Variants in NPAS1 observed in about 807,000 individuals in gnomAD.
NPAS1 encodes the protein neuronal PAS domain-containing protein 1.
NPAS1 carries 29 observed loss-of-function variants against 49.2 expected under a neutral mutation model. The observed-to-expected ratio is 0.59, with a 90% CI of 0.44 to 0.80. The LOEUF (loss-of-function observed/expected upper bound fraction) is 0.80. Among genes scored for constraint, NPAS1 ranks in the 30% least tolerant of loss-of-function variants. The probability of loss-of-function intolerance (pLI) is 0.00; values close to 1 mark genes in which losing one functional copy is unlikely to be tolerated. For synonymous variants in NPAS1, 408 were observed against 380.4 expected, an observed-to-expected ratio of 1.07 and a Z score of -0.84; for missense variants, 825 against 835.5, an observed-to-expected ratio of 0.99 and a Z score of 0.15.
At chr19:47,026,119 A>G (rs545258713) in intron 3 of NPAS1, among the ~76,000 whole-genome samples, 3 of 151,954 alleles carry the variant, frequency 2.0e-5, no homozygotes, top group Admixed American at 6.6e-5. Context: ...TTGTATTTTT[A>G]GTAGAGACAG....
At position 47,045,393 on chromosome 19, in the gene NPAS1, G is replaced by A; in HGVS notation, c.1515G>A (p.Gln505=). The change falls in exon 12 of 12, where the codon CAG becomes CAA. Residue 505 remains glutamine (Q), a synonymous_variant. Coordinates refer to ENST00000602212, the MANE Select transcript of NPAS1 (RefSeq NM_002517.4). ...TSVIRAGVLK[Q]DPVRPWGLAP... The stretch of plus-strand genomic sequence containing the variant: ...TCATCCGGGCAGGGGTCCTGAAGCA[G>A]GATCCGGTGCGGCCATGGGGCCTGG... 6.2e-7 allele frequency: 1 copy of A among 1,612,678 alleles called. No individual in the cohort carries two copies. Among genetic ancestry groups the A allele is most frequent in the Non-Finnish European group, 8.5e-7 (1 of 1,179,590 alleles).
rs371750907 is a variant in NPAS1 at position 47,042,923 on chromosome 19, C to A, written c.1312+19C>A. The A allele has an allele frequency of 1.3e-6, 2 of 1,544,278 alleles. No individual in the cohort carries two copies. The highest frequency in any genetic ancestry group is 2.0e-5 in the Admixed American group (1 of 49,074). ...CCCACAGGTGAGCCCCACCTCCCAC[C>A]TTGGCCCCTGGGAAGCTCCAAGGAA... is the stretch of plus-strand genomic sequence containing the variant. On this transcript the variant is annotated intron_variant, in intron 11 of 11. Transcript: ENST00000602212.
chr19:47,034,651 C>T (rs2056933986), intron 5 of NPAS1, among the ~76,000 whole-genome samples: 1 of 151,846 alleles, frequency 6.6e-6, no homozygotes, highest in South Asian at 2.1e-4. Context: ...CAAAAGCAGG[C>T]AGATCACCTG....
intron 5 of NPAS1, 96 bp from the exon 6 acceptor site, chr19:47,035,868 C>T (rs2056948362): frequency 3.1e-6 from 4 of 1,277,550 alleles, no homozygotes; most frequent in Non-Finnish European, 3.2e-6. Context: ...AGCGCACCTG[C>T]GTGCAGGCAA....
Position 47,021,136 on chromosome 19 carries a change from C to T in NPAS1, c.89C>T (p.Pro30Leu). ...GCCAGCGTCCCCTGGGACTTTCTACCCGGGCTGATGGTCAAGGCGCCGTCC... is the reference window on the plus strand; with the variant it reads ...GCCAGCGTCCCCTGGGACTTTCTACTCGGGCTGATGGTCAAGGCGCCGTCC... ...RGASVPWDFL[P>L]GLMVKAPSGP... The change falls in exon 2 of 12, where the codon CCC becomes CTC. Residue 30 changes from proline to leucine, a missense_variant. Pro to Leu is a moderately conservative substitution (Grantham distance 98, BLOSUM62 -3). Coordinates refer to ENST00000602212, the MANE Select transcript of NPAS1 (RefSeq NM_002517.4). The surrounding 1 kb of genome is among the most constrained non-coding windows in gnomAD (Gnocchi z 5.7). 6.3e-7 allele frequency: 1 copy of T among 1,599,460 alleles called. No homozygotes were observed. The highest frequency in any genetic ancestry group is 8.5e-7 in the Non-Finnish European group (1 of 1,173,922).
Position 47,021,203 on chromosome 19 carries a change from C to G in NPAS1, c.122+34C>G, listed in dbSNP as rs767761168. 3 of 1,488,498 alleles carry G rather than the reference C, an allele frequency of 2.0e-6. No homozygotes were observed. The highest frequency in any genetic ancestry group is 2.1e-4 in the Middle Eastern group (1 of 4,800). 92.2% of individuals were successfully genotyped at this position (1,488,498 alleles called of 1,614,324 possible). A position where few individuals can be genotyped will look rare whatever the true frequency, so the allele number is the denominator to read the frequency against. On this transcript the variant is annotated intron_variant, in intron 2 of 11. Coordinates refer to ENST00000602212, the MANE Select transcript of NPAS1 (RefSeq NM_002517.4). This position sits in a 1 kb window ranked among gnomAD's most constrained non-coding sequence, Gnocchi z 5.7. ...AGCCCCGCCCCCCTGGCCGCGGGCC[C>G]CCCCCCGGGTCCAATTCACACCCGA...
intron 6 of NPAS1, among the ~76,000 whole-genome samples, chr19:47,037,739 G>A (rs527530573): frequency 3.5e-4 from 54 of 152,330 alleles, no homozygotes; most frequent in African/African-American, 1.3e-3. Flanking sequence ...CAAGCGTGGG[G>A]CGAAGTCTGC....
Position 47,039,526 on chromosome 19 carries a change from T to G in NPAS1, c.924T>G (p.Arg308=). ...TCCATGGACACATGATCGTCTTCCG[T>G]CTCAGCCTGGGTCTCACCATCCTTG... ...LPLHGHMIVF[R]LSLGLTILAC... The change falls in exon 8 of 12, where the codon CGT becomes CGG. Residue 308 remains arginine, a synonymous_variant. Transcript: ENST00000602212. 1 of 1,604,642 alleles carries G rather than the reference T, an allele frequency of 6.2e-7. No individual in the cohort carries two copies. The highest frequency in any genetic ancestry group is 8.5e-7 in the Non-Finnish European group (1 of 1,174,234).
At chr19:47,020,729 C>T (rs1247028189) in intron 1 of NPAS1, among the ~76,000 whole-genome samples, 1 of 150,612 alleles carries the variant, frequency 6.6e-6, no homozygotes, top group Non-Finnish European at 1.5e-5. Flanking sequence ...CCGCGTGCGC[C>T]CATTGGTATG....
chr19:47,027,696 C>G (rs1251635869), intron 3 of NPAS1, among the ~76,000 whole-genome samples: 1 of 39,836 alleles, frequency 2.5e-5, no homozygotes, highest in African/African-American at 6.8e-5. Context: ...GTCTGTCTGC[C>G]CCTGGTCCCC....
chr19:47,038,341 A>G (rs2056981889), intron 6 of NPAS1, among the ~76,000 whole-genome samples: 1 of 151,330 alleles, frequency 6.6e-6, no homozygotes, highest in South Asian at 2.1e-4. Flanking sequence ...ACATGGCGAT[A>G]CCCCGTCTCT....
chr19:47,032,770 C>T, intron 5 of NPAS1, 38 bp downstream of exon 5: 1 of 1,473,218 alleles, frequency 6.8e-7, no homozygotes, highest in Non-Finnish European at 9.5e-7. Flanking sequence ...GGCTCAGCCA[C>T]CATCTCCCTT....
rs376213594 is a variant in NPAS1 at position 47,026,136 on chromosome 19, G to T, written c.358+4289G>T. On this transcript the variant is annotated intron_variant, in intron 3 of 11. Transcript: ENST00000602212. Reference sequence around the variant, plus strand: ...GTATTTTTAGTAGAGACAGGGTTTCGCCACGTTGGCCAGGCTGGTCTTGAA... The same window carrying T: ...GTATTTTTAGTAGAGACAGGGTTTCTCCACGTTGGCCAGGCTGGTCTTGAA... Among the ~76,000 whole-genome samples, 175 of 151,652 alleles carry T rather than the reference G, an allele frequency of 1.2e-3. 1 individual carries two copies. Among genetic ancestry groups the T allele is most frequent in the Non-Finnish European group, 1.8e-3 (121 of 67,866 alleles).
chr19:47,040,083 C>T (rs528226255), intron 8 of NPAS1, among the ~76,000 whole-genome samples: 5 of 152,012 alleles, frequency 3.3e-5, no homozygotes, highest in African/African-American at 7.3e-5. Context: ...AGTGCAGTGG[C>T]GCAATCTCAG....
intron 5 of NPAS1, among the ~76,000 whole-genome samples, chr19:47,033,241 G>C (rs58768512): frequency 0.034 from 5,001 of 146,032 alleles, 264 homozygotes; most frequent in African/African-American, 0.11. Context: ...GCTGATGAGG[G>C]CTATTTTTTT....
chr19:47,043,180 C>T (rs551526719), intron 11 of NPAS1, among the ~76,000 whole-genome samples: 18 of 146,184 alleles, frequency 1.2e-4, no homozygotes, highest in Admixed American at 7.8e-4. Flanking sequence ...CCTGTAATCC[C>T]AGCTACTTGA....
In NPAS1 at chr19:47,019,962, C is replaced by T; in HGVS notation, c.-78C>T. The T allele has an allele frequency of 2.5e-6, 1 of 395,218 alleles. No individual in the cohort carries two copies. 24.5% of individuals were successfully genotyped at this position (395,218 alleles called of 1,614,324 possible). A position where few individuals can be genotyped will look rare whatever the true frequency, so the allele number is the denominator to read the frequency against. ...GGCCCCACGCCGCGCCCGGAGCCTG[C>T]TCTGCGGCCAAGTAATCGGACTGGC... On this transcript the variant is annotated 5_prime_UTR_variant, in exon 1 of 12. Transcript: ENST00000602212.
chr19:47,043,044 C>T lies in NPAS1; in HGVS notation c.1312+140C>T, dbSNP rs1156780328. On this transcript the variant is annotated intron_variant, in intron 11 of 11. Transcript: ENST00000602212. ...AAATCCAGGCCGGTGCGGTGGCTCACGCCTGTAATCCCAGCACTTTGGGAG... is the reference window on the plus strand; with the variant it reads ...AAATCCAGGCCGGTGCGGTGGCTCATGCCTGTAATCCCAGCACTTTGGGAG... 2.0e-4 allele frequency: 114 copies of T among 566,322 alleles called. No individual in the cohort carries two copies. The East Asian group carries it at 3.9e-3, about 19-fold the overall frequency. The allele number at this position is 566,322 out of a possible 1,614,324, so 35.1% of individuals were successfully genotyped here.
chr19:47,020,982 G>T, intron 1 of NPAS1, 24 bp from the exon 2 acceptor site: 1 of 1,458,818 alleles, frequency 6.9e-7, no homozygotes, highest in South Asian at 1.3e-5. Context: ...ACTAAGCGTT[G>T]CCCCTGGCCC....
Sources: gnomAD v4.1 joint callset for allele counts (sites outside exome capture counted in the v4.1 genomes callset) on GRCh38, gnomAD v4.1.1 for gene constraint, Gnocchi (gnomAD v3.1) non-coding constraint, MANE v1.5 for transcripts, NCBI Gene and HGNC (gene_info 2026-07-23, HGNC 2026-07-21) for gene names.